Variants in CCNB1IP1 observed in about 807,000 individuals in gnomAD.
The protein encoded by CCNB1IP1 is E3 ubiquitin-protein ligase CCNB1IP1.
CCNB1IP1 carries 14 observed loss-of-function variants against 25.6 expected under a neutral mutation model. That is an observed-to-expected ratio of 0.55 (90% CI 0.36 to 0.85). The LOEUF is 0.85. Ranked by LOEUF, CCNB1IP1 falls within the 40% of genes least tolerant of loss-of-function variation. The pLI is 0.01. For missense variants in CCNB1IP1, 278 were observed against 342.4 expected (o/e 0.81, Z 1.48); for synonymous variants, 119 against 116.1 (o/e 1.02, Z -0.16).
intron 5 of CCNB1IP1, among the ~76,000 whole-genome samples, chr14:20,315,314 T>C (rs12889253): frequency 0.15 from 22,060 of 152,136 alleles, 2,002 homozygotes; most frequent in South Asian, 0.22. Flanking sequence ...GCAACAGGAA[T>C]TCTCATTCAT....
Position 20,316,507 on chromosome 14 carries a change from T to A in CCNB1IP1, c.17A>T (p.Asp6Val). Residue 6 changes from aspartate (D) to valine (V), a missense_variant, in exon 5 of 7, where the codon GAC (aspartate) becomes GTC (valine). Physicochemically the swap from Asp to Val is radical, Grantham distance 152. Transcript: ENST00000358932. The part of the protein sequence containing the change: MSLCE[D>V]MLLCNYRKCR... ...CTTTCGATAATTACAAAGCAGCATG[T>A]CTTCACACAAAGACATAATAGGATA... The A allele has an allele frequency of 6.2e-7, 1 of 1,607,888 alleles. No individual in the cohort carries two copies. The highest frequency in any genetic ancestry group is 8.5e-7 in the Non-Finnish European group (1 of 1,179,712).
At chr14:20,332,436 G>T (rs1883281043) in intron 1 of CCNB1IP1, among the ~76,000 whole-genome samples, 1 of 152,036 alleles carries the variant, frequency 6.6e-6, no homozygotes, top group Non-Finnish European at 1.5e-5. Context: ...CAAAATACTT[G>T]CTGTAAATAA....
At chr14:20,320,547 A>G (rs2138857056) in intron 4 of CCNB1IP1, among the ~76,000 whole-genome samples, 1 of 152,220 alleles carries the variant, frequency 6.6e-6, no homozygotes, top group East Asian at 1.9e-4. Flanking sequence ...TAACAAAATT[A>G]TATTCCAGCT....
chr14:20,330,112 A>C (rs1184682470), intron 1 of CCNB1IP1, among the ~76,000 whole-genome samples: 7 of 136,806 alleles, frequency 5.1e-5, no homozygotes, highest in East Asian at 4.2e-4. Context: ...CATAAAAAAA[A>C]AAAAAACAAA....
At chr14:20,332,026 A>ATATATATATTTT (rs59034398) in intron 1 of CCNB1IP1, among the ~76,000 whole-genome samples, 1 of 40,742 alleles carries the variant, frequency 2.5e-5, no homozygotes, top group African/African-American at 8.7e-5. Context: ...ATATATATAT[A>ATATATATATTTT]TTTTTTTTTT....
At chr14:20,332,117 C>G in intron 1 of CCNB1IP1, among the ~76,000 whole-genome samples, 1 of 145,852 alleles carries the variant, frequency 6.9e-6, no homozygotes. Flanking sequence ...TCACCGCAAC[C>G]TCCACCTCCC....
chr14:20,313,108 G>C (rs997674134), intron 6 of CCNB1IP1, among the ~76,000 whole-genome samples: 2 of 152,018 alleles, frequency 1.3e-5, no homozygotes, highest in Non-Finnish European at 2.9e-5. Flanking sequence ...ACTTCATAAG[G>C]TTTTGTAAAT....
At chr14:20,321,097 A>G (rs1352348656) in intron 4 of CCNB1IP1, among the ~76,000 whole-genome samples, 1 of 151,362 alleles carries the variant, frequency 6.6e-6, no homozygotes, top group Non-Finnish European at 1.5e-5. Context: ...AGATCACACC[A>G]TTGCACTCCA....
At chr14:20,323,021 T>C (rs1319092316) in intron 4 of CCNB1IP1, among the ~76,000 whole-genome samples, 2 of 152,206 alleles carry the variant, frequency 1.3e-5, no homozygotes, top group African/African-American at 2.4e-5. Context: ...CTTTAGAGTA[T>C]AATGTTTCAG....
At chr14:20,313,362 T>C in intron 6 of CCNB1IP1, 106 bp downstream of exon 6, 1 of 860,850 alleles carries the variant, frequency 1.2e-6, no homozygotes. Context: ...CACAACTCAA[T>C]GCTTGTCTTA....
intron 4 of CCNB1IP1, among the ~76,000 whole-genome samples, chr14:20,322,625 T>A (rs866770768): frequency 1.2e-4 from 17 of 145,744 alleles, no homozygotes; most frequent in African/African-American, 1.3e-4. Context: ...ATATATAATT[T>A]TTTTTTTTTT....
rs1882704812 is a variant in CCNB1IP1 at position 20,316,564 on chromosome 14, AG to A, written c.-37-5del. The A allele has an allele frequency of 5.2e-6, 8 of 1,543,594 alleles. No individual in the cohort carries two copies. The highest frequency in any genetic ancestry group is 5.3e-6 in the Non-Finnish European group (6 of 1,136,248). ...TCTCCAGAAGCTGAAGAGAGGCCTA[AG>A]AAGGGGTAAATAAAAAGGCCAAGTA... On this transcript the variant is annotated splice_polypyrimidine_tract_variant and splice_region_variant and intron_variant, in intron 4 of 6. Coordinates refer to ENST00000358932, the MANE Select transcript of CCNB1IP1 (RefSeq NM_021178.5).
chr14:20,315,962 A>G (rs1882678193), intron 5 of CCNB1IP1: 1 of 463,806 alleles, frequency 2.2e-6, no homozygotes, highest in South Asian at 2.4e-5. Flanking sequence ...TTTTATACAG[A>G]AGAGAGAGAG....
At chr14:20,312,167 G>A (rs1021336990) in intron 6 of CCNB1IP1, among the ~76,000 whole-genome samples, 4 of 152,058 alleles carry the variant, frequency 2.6e-5, no homozygotes, top group African/African-American at 9.7e-5. Context: ...AAGGTTAACT[G>A]TGTACAAAAA....
At chr14:20,324,003 TAAC>T (rs1882986363) in intron 4 of CCNB1IP1, among the ~76,000 whole-genome samples, 2 of 150,072 alleles carry the variant, frequency 1.3e-5, no homozygotes, top group East Asian at 3.9e-4. Context: ...AGGAACTAGA[TAAC>T]AAGTTAGTAC....
In CCNB1IP1 at chr14:20,313,449, G is replaced by C; in HGVS notation, c.631+19C>G. ...TCATTGATTTAAAGAACAGACACTT[G>C]ATACATGTCCTTTCTTACCTAATGG... On this transcript the variant is annotated intron_variant, in intron 6 of 6. Transcript: ENST00000358932. 1.3e-6 allele frequency: 2 copies of C among 1,536,638 alleles called. No homozygotes were observed.
intron 4 of CCNB1IP1, chr14:20,318,587 T>TG (rs1398246034): frequency 6.6e-6 from 1 of 152,272 alleles, no homozygotes; most frequent in Non-Finnish European, 1.5e-5. Flanking sequence ...GATTGCACTG[T>TG]GCCAGTTTTA....
chr14:20,326,383 TAC>T (rs1883076120), intron 3 of CCNB1IP1: 1 of 472,566 alleles, frequency 2.1e-6, no homozygotes, highest in African/African-American at 2.0e-5. Flanking sequence ...TACCTGGGAT[TAC>T]AGACTAAATC....
chr14:20,316,184 G>A, intron 5 of CCNB1IP1, 43 bp downstream of exon 5: 1 of 1,542,166 alleles, frequency 6.5e-7, no homozygotes, highest in Non-Finnish European at 8.8e-7. Flanking sequence ...TCCCACAAAT[G>A]CCATAAATCA....
Sources: allele counts gnomAD v4.1 joint callset (sites outside exome capture counted in the v4.1 genomes callset), GRCh38; gene constraint gnomAD v4.1.1; transcripts MANE v1.5; gene names NCBI Gene and HGNC (gene_info 2026-07-23, HGNC 2026-07-21).